The following MYBPC2 variants were observed in gnomAD, a reference collection of about 807,000 sequenced individuals.
MYBPC2 encodes myosin-binding protein C, fast-type.
Under a neutral mutation model 137.0 loss-of-function variants are expected in MYBPC2, and 122 were observed. The ratio of observed to expected loss-of-function variants is 0.89; its 90% CI spans 0.77 to 1.03. MYBPC2 has a LOEUF of 1.03. MYBPC2 is among the 50% of genes least tolerant of loss of function. MYBPC2 has a pLI of 0.00. For missense variants in MYBPC2, 1,500 were observed against 1,534.4 expected (o/e 0.98, Z 0.37); for synonymous variants, 626 against 612.3 (o/e 1.02, Z -0.33).
In MYBPC2 at chr19:50,465,837, C is replaced by G. The variant is rs908720987; in HGVS notation, c.3416-358C>G. ...TCCAGCCTGGTGCAACAGAGTGAGA[C>G]TCTGTCTCAAAAACCAAACAAAAAC... On this transcript the variant is annotated intron_variant, in intron 27 of 27. Transcript: ENST00000357701. The surrounding 1 kb of genome is among the most constrained non-coding windows in gnomAD (Gnocchi z 4.5). Among the ~76,000 whole-genome samples the G allele has an allele frequency of 6.6e-6, 1 of 152,160 alleles. No individual in the cohort carries two copies. The highest frequency in any genetic ancestry group is 1.5e-5 in the Non-Finnish European group (1 of 68,024).
chr19:50,466,268 C>T lies in MYBPC2; in HGVS notation c.*63C>T. ...GTCCTGACCCCAATCCCCAACCTCC[C>T]AGGACTGTGTTCTTTCTGGAGTTTT... On this transcript the variant is annotated 3_prime_UTR_variant, in exon 28 of 28. Coordinates refer to ENST00000357701, the MANE Select transcript of MYBPC2 (RefSeq NM_004533.4). The surrounding 1 kb of genome is among the most constrained non-coding windows in gnomAD (Gnocchi z 4.9). The T allele has an allele frequency of 6.2e-7, 1 of 1,608,144 alleles. No individual in the cohort carries two copies. Among genetic ancestry groups the T allele is most frequent in the Non-Finnish European group, 8.5e-7 (1 of 1,175,004 alleles).
At chr19:50,461,814 G>C in intron 25 of MYBPC2, 86 bp from the exon 26 acceptor site, 2 of 1,580,198 alleles carry the variant, frequency 1.3e-6, no homozygotes, top group Non-Finnish European at 1.7e-6. Context: ...CTAGTCATGG[G>C]AGAGAGGTGA....
intron 12 of MYBPC2, among the ~76,000 whole-genome samples, chr19:50,446,728 G>C (rs538148446): frequency 6.7e-6 from 1 of 150,316 alleles, no homozygotes; most frequent in East Asian, 2.0e-4. Context: ...GCTGAGGCAG[G>C]AGAATCGCTT....
intron 16 of MYBPC2, among the ~76,000 whole-genome samples, chr19:50,452,504 G>GTATCTATCTATCTATCTATCTATCTATC (rs1208324934): frequency 9.7e-6 from 1 of 102,886 alleles, no homozygotes; most frequent in African/African-American, 3.5e-5. Flanking sequence ...ATGTATGTAT[G>GTATCTATCTATCTATCTATCTATCTATC]TATGTATCTA....
chr19:50,444,808 A>G (rs1568661365), intron 11 of MYBPC2, among the ~76,000 whole-genome samples: 1 of 137,134 alleles, frequency 7.3e-6, no homozygotes, highest in Admixed American at 8.2e-5. Context: ...TGAACCTGGG[A>G]GGCGGAGCTT....
rs759144655 is a variant in MYBPC2, at chr19:50,443,523, G to A, written c.932G>A (p.Arg311Gln). The change falls in exon 10 of 28, where the codon CGA (arginine) becomes CAA (glutamine). Residue 311 changes from arginine (R) to glutamine (Q), a missense_variant. By Grantham distance (43) the Arg-to-Gln change is conservative (BLOSUM62 1). Transcript: ENST00000357701. ...KYVFENVGKK[R>Q]ILTINKCTLA... ...GTGTTTGAGAACGTTGGTAAGAAGC[G>A]AATTCTTACCATCAACAAGTGCACG... 3.0e-5 allele frequency: 48 copies of A among 1,612,972 alleles called. No individual in the cohort carries two copies. Among genetic ancestry groups the A allele is most frequent in the Middle Eastern group, 1.6e-4 (1 of 6,080 alleles).
At chr19:50,464,650 G>T in intron 27 of MYBPC2, 118 bp downstream of exon 27, 1 of 1,183,156 alleles carries the variant, frequency 8.5e-7, no homozygotes. Context: ...CCAGCCCTCT[G>T]GGAGGAGGAC....
At position 50,454,117 on chromosome 19, in the gene MYBPC2, A is replaced by G. The variant is rs1311962030; in HGVS notation, c.1847A>G (p.Tyr616Cys). The change falls in exon 17 of 28, where the codon TAC (tyrosine) becomes TGC (cysteine). Residue 616 changes from tyrosine to cysteine, a missense_variant. Tyr to Cys is a radical substitution (Grantham distance 194, BLOSUM62 -2). Coordinates refer to ENST00000357701, the MANE Select transcript of MYBPC2 (RefSeq NM_004533.4). ...GCGCAGCGGGAAGACGAGGGCCGCT[A>G]CACCATCAAGGTCACCAACCCCGTC... ...ESAQREDEGRYTIKVTNPVGE... is the reference protein window; with the variant it reads ...ESAQREDEGRCTIKVTNPVGE... 2 of 1,613,200 alleles carry G rather than the reference A, an allele frequency of 1.2e-6. No individual in the cohort carries two copies. Among genetic ancestry groups the G allele is most frequent in the South Asian group, 2.2e-5 (2 of 90,924 alleles).
At chr19:50,458,497 C>T in intron 20 of MYBPC2, 90 bp from the exon 21 acceptor site, 3 of 1,491,884 alleles carry the variant, frequency 2.0e-6, no homozygotes, top group South Asian at 1.3e-5. Context: ...TGCTCACTCG[C>T]TCGCTGCGTG....
chr19:50,452,061 C>T (rs1484285927), intron 16 of MYBPC2, 58 bp downstream of exon 16: 3 of 1,503,914 alleles, frequency 2.0e-6, no homozygotes, highest in Non-Finnish European at 2.7e-6. Context: ...AGTCTCTTTC[C>T]CCCTGAGCCT....
intron 6 of MYBPC2, 46 bp downstream of exon 6, chr19:50,437,567 G>T: frequency 1.3e-6 from 2 of 1,598,756 alleles, no homozygotes; most frequent in Non-Finnish European, 8.5e-7. Flanking sequence ...ACCATGGGAG[G>T]CTCTCCCTTG....
At position 50,451,914 on chromosome 19, in the gene MYBPC2, A is replaced by AT; in HGVS notation, c.1662dup (p.Val555CysfsTer11). 6.3e-7 allele frequency: 1 copy of AT among 1,584,850 alleles called. No homozygotes were observed. The highest frequency in any genetic ancestry group is 1.2e-5 in the South Asian group (1 of 86,454). ...CTCGGGGAAGACCTCAGAGAATGCG[A>AT]TTGTGGTTGTGGCTGGAAACAAGCT... On this transcript the variant is annotated frameshift_variant, in exon 16 of 28. Coordinates refer to ENST00000357701, the MANE Select transcript of MYBPC2 (RefSeq NM_004533.4). LOFTEE classifies it high-confidence loss of function.
chr19:50,457,333 C>A (rs1199523432), intron 20 of MYBPC2, among the ~76,000 whole-genome samples: 1 of 152,176 alleles, frequency 6.6e-6, no homozygotes, highest in Non-Finnish European at 1.5e-5. Context: ...TCTGAGCCAA[C>A]AGCCATGAGT....
At position 50,437,466 on chromosome 19, in the gene MYBPC2, T is replaced by C. The variant is rs2039714086; in HGVS notation, c.464-7T>C. Reference sequence around the variant, plus strand: ...TCACCTTCCCTTCTCTCATCACCTCTCCCCAGCACCCCGTCAGGATGCCTC... The same window carrying C: ...TCACCTTCCCTTCTCTCATCACCTCCCCCCAGCACCCCGTCAGGATGCCTC... On this transcript the variant is annotated splice_region_variant and splice_polypyrimidine_tract_variant and intron_variant, in intron 5 of 27. Transcript: ENST00000357701. 5 of 1,609,718 alleles carry C rather than the reference T, an allele frequency of 3.1e-6. No homozygotes were observed. The East Asian group carries it at 1.1e-4, about 36-fold the overall frequency.
chr19:50,441,656 A>G (rs1233899900), intron 8 of MYBPC2, among the ~76,000 whole-genome samples: 2 of 152,032 alleles, frequency 1.3e-5, no homozygotes, highest in Non-Finnish European at 2.9e-5. Flanking sequence ...CCTGGCTAAC[A>G]TGGTGAAACC....
intron 18 of MYBPC2, 79 bp from the exon 19 acceptor site, chr19:50,455,029 A>G: frequency 7.3e-7 from 1 of 1,366,124 alleles, no homozygotes; most frequent in Non-Finnish European, 9.9e-7. Flanking sequence ...GATCCTCTGG[A>G]TGTGGCCCTC....
At chr19:50,454,783 C>A (rs1485611417) in intron 18 of MYBPC2, among the ~76,000 whole-genome samples, 8 of 152,014 alleles carry the variant, frequency 5.3e-5, no homozygotes, top group Non-Finnish European at 1.2e-4. Flanking sequence ...ACCTCTGACC[C>A]CTGATTTTCC....
At chr19:50,460,007 C>T (rs1481827477) in intron 23 of MYBPC2, 33 bp from the exon 24 acceptor site, 1 of 1,550,066 alleles carries the variant, frequency 6.5e-7, no homozygotes, top group Non-Finnish European at 8.7e-7. Context: ...ATCCCAAAAC[C>T]TGGACTGACT....
At chr19:50,437,258 A>G (rs1247906245) in intron 5 of MYBPC2, among the ~76,000 whole-genome samples, 1 of 151,988 alleles carries the variant, frequency 6.6e-6, no homozygotes, top group Non-Finnish European at 1.5e-5. Flanking sequence ...TGGGGGGTAT[A>G]GGCTGCTGAG....
Sources: gnomAD v4.1 joint callset for allele counts (sites outside exome capture counted in the v4.1 genomes callset) on GRCh38, gnomAD v4.1.1 for gene constraint, Gnocchi (gnomAD v3.1) non-coding constraint, MANE v1.5 for transcripts, NCBI Gene and HGNC (gene_info 2026-07-23, HGNC 2026-07-21) for gene names.